IGF1R: variants seen among roughly 807,000 people sequenced by gnomAD.
IGF1R encodes the protein insulin-like growth factor 1 receptor.
Under a neutral mutation model 144.6 loss-of-function variants are expected in IGF1R, and 44 were observed. The ratio of observed to expected loss-of-function variants is 0.30; its 90% CI spans 0.24 to 0.39. The LOEUF (loss-of-function observed/expected upper bound fraction) is 0.39, where lower values mean the gene tolerates loss of function less well. Among genes scored for constraint, IGF1R ranks in the 10% least tolerant of loss-of-function variants. The pLI, the probability that IGF1R is intolerant of heterozygous loss-of-function variation, is 1.00. For missense variants in IGF1R, 1,355 were observed against 1,833.7 expected, an observed-to-expected ratio of 0.74 and a Z score of 4.77; for synonymous variants, 795 against 722.8, an observed-to-expected ratio of 1.10 and a Z score of -1.60.
chr15:98,909,812 G>T (rs1049902184), intron 6 of IGF1R, among the ~76,000 whole-genome samples: 2 of 152,170 alleles, frequency 1.3e-5, no homozygotes, highest in Non-Finnish European at 2.9e-5. Context: ...TTACAGCCTT[G>T]TACTGTTTAT....
At chr15:98,887,782 T>G (rs193069412) in intron 2 of IGF1R, among the ~76,000 whole-genome samples, 46 of 152,388 alleles carry the variant, frequency 3.0e-4, no homozygotes, top group African/African-American at 1.1e-3. Flanking sequence ...GCTGGGAGTC[T>G]GCTCTCTTCC....
At chr15:98,726,070 C>G (rs1348809068) in intron 2 of IGF1R, among the ~76,000 whole-genome samples, 2 of 152,220 alleles carry the variant, frequency 1.3e-5, no homozygotes, top group South Asian at 4.1e-4. Context: ...GTGATCATGA[C>G]TGGCATTCAC....
At chr15:98,678,149 T>A (rs1191607774) in intron 1 of IGF1R, among the ~76,000 whole-genome samples, 1 of 152,210 alleles carries the variant, frequency 6.6e-6, no homozygotes, top group Non-Finnish European at 1.5e-5. Flanking sequence ...AAGTGGTTGT[T>A]ACACCTATTA....
intron 2 of IGF1R, among the ~76,000 whole-genome samples, chr15:98,782,916 G>A (rs539240166): frequency 6.6e-5 from 10 of 152,220 alleles, no homozygotes; most frequent in Non-Finnish European, 8.8e-5. Flanking sequence ...CTTAAAGATA[G>A]GATTTCTAAA....
chr15:98,696,200 CT>C (rs1311623967), intron 1 of IGF1R, among the ~76,000 whole-genome samples: 1 of 152,088 alleles, frequency 6.6e-6, no homozygotes, highest in Non-Finnish European at 1.5e-5. Flanking sequence ...ATCTGTTGAT[CT>C]TTTTAGCTCT....
chr15:98,674,882 CCATAA>C (rs994450447), intron 1 of IGF1R, among the ~76,000 whole-genome samples: 3 of 151,574 alleles, frequency 2.0e-5, no homozygotes, highest in African/African-American at 4.9e-5. Flanking sequence ...GAATTTCTGC[CCATAA>C]CATTATATCT....
At position 98,962,944 on chromosome 15, in the gene IGF1R, T is replaced by A. The variant is rs2017281859; in HGVS notation, c.*5502T>A. Reference sequence around the variant, plus strand: ...TCTGCGAGAACATAACGATCACTCATTTTTATGTCCCACGTGTGTGTGTCC... The same window carrying A: ...TCTGCGAGAACATAACGATCACTCAATTTTATGTCCCACGTGTGTGTGTCC... On this transcript the variant is annotated 3_prime_UTR_variant, in exon 21 of 21. Transcript: ENST00000650285. 2 of 233,600 alleles carry A rather than the reference T, an allele frequency of 8.6e-6. No individual in the cohort carries two copies. Among genetic ancestry groups the A allele is most frequent in the African/African-American group, 4.4e-5 (2 of 45,350 alleles). The allele number at this position is 233,600 out of a possible 1,614,324, so 14.5% of individuals were successfully genotyped here.
intron 2 of IGF1R, among the ~76,000 whole-genome samples, chr15:98,794,851 C>T (rs892393948): frequency 2.6e-5 from 4 of 152,174 alleles, no homozygotes; most frequent in Admixed American, 1.3e-4. Flanking sequence ...GCAAGAATCC[C>T]CCGCCCCTTA....
intron 1 of IGF1R, among the ~76,000 whole-genome samples, chr15:98,706,827 G>GC (rs1555434009): frequency 2.7e-5 from 4 of 147,380 alleles, no homozygotes; most frequent in Admixed American, 1.3e-4. Flanking sequence ...ATTTTTACTG[G>GC]TTTTTTTTTT....
intron 2 of IGF1R, among the ~76,000 whole-genome samples, chr15:98,726,940 C>T (rs1012066576): frequency 1.3e-5 from 2 of 151,844 alleles, no homozygotes; most frequent in African/African-American, 2.4e-5. Flanking sequence ...AGGCAGGTCT[C>T]GAACTCCTGA....
Position 98,716,065 on chromosome 15 carries a change from G to C in IGF1R, c.640+7958G>C, listed in dbSNP as rs61750027. ...GCAGCCCCAGGGGTACATGGGACTTGGGCATGTGAGGCTGGTGAGGGACAG... is the reference window on the plus strand; with the variant it reads ...GCAGCCCCAGGGGTACATGGGACTTCGGCATGTGAGGCTGGTGAGGGACAG... On this transcript the variant is annotated intron_variant, in intron 2 of 20. Coordinates refer to ENST00000650285, the MANE Select transcript of IGF1R (RefSeq NM_000875.5). Among the ~76,000 whole-genome samples the C allele has an allele frequency of 5.4e-3, 826 of 152,296 alleles. 9 individuals carry two copies. Among genetic ancestry groups the C allele is most frequent in the African/African-American group, 0.019 (777 of 41,558 alleles).
chr15:98,961,012 G>A lies in IGF1R; in HGVS notation c.*3570G>A, dbSNP rs934307582. 3.0e-5 allele frequency: 7 copies of A among 233,590 alleles called. No individual in the cohort carries two copies. The highest frequency in any genetic ancestry group is 1.8e-4 in the South Asian group (1 of 5,536). 14.5% of individuals were successfully genotyped at this position (233,590 alleles called of 1,614,324 possible). On this transcript the variant is annotated 3_prime_UTR_variant, in exon 21 of 21. Transcript: ENST00000650285. Reference sequence around the variant, plus strand: ...TGCTCTTACAGGCACTGATGATTTCGCTGGGAAGTGTGGCGGGCAGCTTTG... The same window carrying A: ...TGCTCTTACAGGCACTGATGATTTCACTGGGAAGTGTGGCGGGCAGCTTTG...
intron 7 of IGF1R, among the ~76,000 whole-genome samples, chr15:98,912,833 T>C (rs2015081738): frequency 6.6e-6 from 1 of 152,264 alleles, no homozygotes; most frequent in Admixed American, 6.5e-5. Flanking sequence ...GAAGTGGCTC[T>C]TCCTGAGGCA....
intron 5 of IGF1R, 108 bp from the exon 6 acceptor site, chr15:98,908,577 A>C: frequency 1.3e-6 from 1 of 764,768 alleles, no homozygotes; most frequent in Non-Finnish European, 2.3e-6. Context: ...TGGCAAAGGA[A>C]ATGTATTGTG....
intron 2 of IGF1R, among the ~76,000 whole-genome samples, chr15:98,858,148 G>A (rs1324557615): frequency 6.6e-6 from 1 of 152,210 alleles, no homozygotes; most frequent in Non-Finnish European, 1.5e-5. Context: ...ATCAATTCAT[G>A]GCTATTCAAA....
In IGF1R at chr15:98,915,984, G is replaced by A. The variant is rs761193341; in HGVS notation, c.1849G>A (p.Val617Ile). The A allele has an allele frequency of 1.6e-5, 26 of 1,613,892 alleles. No individual in the cohort carries two copies. The highest frequency in any genetic ancestry group is 1.6e-4 in the Middle Eastern group (1 of 6,084). ...TCCAGTTCCTTCCATTCCCTTGGAC[G>A]TTCTTTCAGCATCGAACTCCTCTTC... ...NASVPSIPLD[V>I]LSASNSSSQL... Residue 617 changes from valine to isoleucine, a missense_variant, in exon 9 of 21, where the codon GTT becomes ATT. Coordinates refer to ENST00000650285, the MANE Select transcript of IGF1R (RefSeq NM_000875.5).
chr15:98,942,975 G>A lies in IGF1R; in HGVS notation c.3510G>A (p.Gly1170=). The change falls in exon 19 of 21, where the codon GGG becomes GGA. Residue 1170 remains glycine (G), a synonymous_variant. Coordinates refer to ENST00000650285, the MANE Select transcript of IGF1R (RefSeq NM_000875.5). ...IYETDYYRKG[G]KGLLPVRWMS... ...AGACAGACTATTACCGGAAAGGAGGGAAAGGGCTGCTGCCCGTGCGCTGGA... is the reference window on the plus strand; with the variant it reads ...AGACAGACTATTACCGGAAAGGAGGAAAAGGGCTGCTGCCCGTGCGCTGGA... The A allele has an allele frequency of 6.2e-7, 1 of 1,614,196 alleles. No individual in the cohort carries two copies.
intron 20 of IGF1R, among the ~76,000 whole-genome samples, chr15:98,955,605 TGGCTCTCCCTCACACCCA>T (rs1200932010): frequency 2.0e-5 from 3 of 152,230 alleles, no homozygotes. Flanking sequence ...GAATTCTGGA[TGGCTCTCCCTCACACCCA>T]GGCCCACCCT....
Position 98,891,015 on chromosome 15 carries a change from A to G in IGF1R, c.641-310A>G, listed in dbSNP as rs1361950196. Among the ~76,000 whole-genome samples the G allele has an allele frequency of 6.6e-6, 1 of 152,188 alleles. No individual in the cohort carries two copies. The highest frequency in any genetic ancestry group is 1.5e-5 in the Non-Finnish European group (1 of 68,018). On this transcript the variant is annotated intron_variant, in intron 2 of 20. Coordinates refer to ENST00000650285, the MANE Select transcript of IGF1R (RefSeq NM_000875.5). This position sits in a 1 kb window ranked among gnomAD's most constrained non-coding sequence, Gnocchi z 4.7. ...CCTGAGGCAACCCTCAAATGTGGGT[A>G]TTATCCCCCTCATTTTACAGATGGG...
Sources: gnomAD v4.1 joint callset for allele counts (sites outside exome capture counted in the v4.1 genomes callset) on GRCh38, gnomAD v4.1.1 for gene constraint, Gnocchi (gnomAD v3.1) non-coding constraint, MANE v1.5 for transcripts, NCBI Gene and HGNC (gene_info 2026-07-23, HGNC 2026-07-21) for gene names.